C1orf56: variants seen among roughly 807,000 people sequenced by gnomAD.
C1orf56 encodes protein MENT.
In C1orf56, 14 loss-of-function variants were observed where a neutral mutation model predicts 20.7. The ratio of observed to expected loss-of-function variants is 0.68; its 90% CI spans 0.45 to 1.06. The LOEUF (loss-of-function observed/expected upper bound fraction) is 1.06, where lower values mean the gene tolerates loss of function less well. C1orf56 is among the 50% of genes least tolerant of loss of function. The pLI is 0.00. For missense variants in C1orf56, 424 were observed against 451.4 expected (o/e 0.94, Z 0.55); for synonymous variants, 187 against 194.7 (o/e 0.96, Z 0.33).
In C1orf56 at chr1:151,048,870, A is replaced by G; in HGVS notation, c.1005+18A>G. Reference sequence around the variant, plus strand: ...TGCAACCAGTAAGTGTTTGGTGATGAGCCAGGGTCTTTGTTGACGGATCTG... The same window carrying G: ...TGCAACCAGTAAGTGTTTGGTGATGGGCCAGGGTCTTTGTTGACGGATCTG... On this transcript the variant is annotated intron_variant, in intron 1 of 1. Transcript: ENST00000368926. This position sits in a 1 kb window ranked among gnomAD's most constrained non-coding sequence, Gnocchi z 4.8. The G allele has an allele frequency of 1.3e-6, 2 of 1,522,964 alleles. No individual in the cohort carries two copies. The highest frequency in any genetic ancestry group is 1.8e-6 in the Non-Finnish European group (2 of 1,134,712). 94.3% of individuals were successfully genotyped at this position (1,522,964 alleles called of 1,614,324 possible).
At chr1:151,049,433 T>G (rs1676131925) in intron 1 of C1orf56, 1 of 152,014 alleles carries the variant, frequency 6.6e-6, no homozygotes, top group South Asian at 2.1e-4. Flanking sequence ...ATTCTCTGTT[T>G]TTTTCACAGA....
rs587603472 is a variant in C1orf56 at position 151,048,273 on chromosome 1, TAGTC to T, written c.429_432del (p.Ser143ArgfsTer7). 1.9e-3 allele frequency: 3,138 copies of T among 1,614,208 alleles called. 7 individuals carry two copies. The highest frequency in any genetic ancestry group is 1.9e-3 in the Non-Finnish European group (2,205 of 1,180,036). On this transcript the variant is annotated frameshift_variant, in exon 1 of 2. Transcript: ENST00000368926. LOFTEE classifies it high-confidence loss of function. This position sits in a 1 kb window ranked among gnomAD's most constrained non-coding sequence, Gnocchi z 4.8. Reference sequence around the variant, plus strand: ...GTTCCAGCACGAGGTTTATAGCCAATAGTCAGGAGCCTGAAATCAGGCTGACTTC... The same window carrying T: ...GTTCCAGCACGAGGTTTATAGCCAATAGGAGCCTGAAATCAGGCTGACTTC...
Position 151,048,257 on chromosome 1 carries a change from C to T in C1orf56, c.410C>T (p.Thr137Met). ...CCCAATACAGCGGGGAGTTCCAGCA[C>T]GAGGTTTATAGCCAATAGTCAGGAG... ...ATPNTAGSSS[T>M]RFIANSQEPE... Residue 137 changes from threonine to methionine, a missense_variant, in exon 1 of 2, where the codon ACG becomes ATG. Transcript: ENST00000368926. The surrounding 1 kb of genome is among the most constrained non-coding windows in gnomAD (Gnocchi z 4.8). 1.2e-6 allele frequency: 2 copies of T among 1,614,222 alleles called. No individual in the cohort carries two copies. The highest frequency in any genetic ancestry group is 1.7e-5 in the Admixed American group (1 of 60,028).
In C1orf56 at chr1:151,050,549, A is replaced by G. The variant is rs1056251527; in HGVS notation, c.*91A>G. 2.3e-6 allele frequency: 3 copies of G among 1,293,160 alleles called. No homozygotes were observed. The highest frequency in any genetic ancestry group is 2.3e-5 in the Admixed American group (1 of 42,588). 80.1% of individuals were successfully genotyped at this position (1,293,160 alleles called of 1,614,324 possible). Reference sequence around the variant, plus strand: ...CCCACTAGATATTTTTAGTACAGAAAAACAAAACTGGAAAACACATTGTTT... The same window carrying G: ...CCCACTAGATATTTTTAGTACAGAAGAACAAAACTGGAAAACACATTGTTT... On this transcript the variant is annotated 3_prime_UTR_variant, in exon 2 of 2. Transcript: ENST00000368926.
rs1676107375 is a variant in C1orf56, at chr1:151,048,475, C to G, written c.628C>G (p.His210Asp). ...RLVLMPWGPWHCHCKSGTMSR... is the reference protein window; with the variant it reads ...RLVLMPWGPWDCHCKSGTMSR... Reference sequence around the variant, plus strand: ...GGTGCTGATGCCCTGGGGCCCGTGGCACTGCCACTGCAAGTCGGGCACCAT... The same window carrying G: ...GGTGCTGATGCCCTGGGGCCCGTGGGACTGCCACTGCAAGTCGGGCACCAT... Residue 210 changes from histidine (H) to aspartate (D), a missense_variant, in exon 1 of 2, where the codon CAC becomes GAC. Coordinates refer to ENST00000368926, the MANE Select transcript of C1orf56 (RefSeq NM_017860.5). This position sits in a 1 kb window ranked among gnomAD's most constrained non-coding sequence, Gnocchi z 4.8. 1.2e-6 allele frequency: 2 copies of G among 1,608,580 alleles called. No individual in the cohort carries two copies. The highest frequency in any genetic ancestry group is 2.7e-5 in the African/African-American group (2 of 75,070).
intron 1 of C1orf56, 152 bp downstream of exon 1, chr1:151,049,004 T>C: frequency 1.7e-6 from 2 of 1,203,208 alleles, no homozygotes; most frequent in Non-Finnish European, 1.1e-6. Flanking sequence ...GTTATTCACA[T>C]TGTTAGCCAT....
In C1orf56 at chr1:151,048,665, A is replaced by G. The variant is rs1311097870; in HGVS notation, c.818A>G (p.Asn273Ser). ...PLDTSLCTDT[N>S]CASQSTTSTR... Reference sequence around the variant, plus strand: ...GACACAAGTCTCTGTACTGACACCAACTGTGCCTCTCAGAGCACCACCAGT... The same window carrying G: ...GACACAAGTCTCTGTACTGACACCAGCTGTGCCTCTCAGAGCACCACCAGT... Residue 273 changes from asparagine to serine, a missense_variant, in exon 1 of 2, where the codon AAC becomes AGC. Transcript: ENST00000368926. This position sits in a 1 kb window ranked among gnomAD's most constrained non-coding sequence, Gnocchi z 4.8. The G allele has an allele frequency of 1.9e-6, 3 of 1,613,320 alleles. No individual in the cohort carries two copies. The highest frequency in any genetic ancestry group is 1.7e-5 in the Admixed American group (1 of 59,922).
Position 151,048,322 on chromosome 1 carries a change from G to A in C1orf56, c.475G>A (p.Gly159Arg), listed in dbSNP as rs746719165. ...RLTSSLPRSPGRSTEDLPGSQ... is the reference protein window; with the variant it reads ...RLTSSLPRSPRRSTEDLPGSQ... Reference sequence around the variant, plus strand: ...GACTTCAAGCCTGCCGCGCTCCCCCGGGAGGTCTACTGAGGACCTGCCAGG... The same window carrying A: ...GACTTCAAGCCTGCCGCGCTCCCCCAGGAGGTCTACTGAGGACCTGCCAGG... The change falls in exon 1 of 2, where the codon GGG (glycine) becomes AGG (arginine). Residue 159 changes from glycine to arginine, a missense_variant. Transcript: ENST00000368926. This position sits in a 1 kb window ranked among gnomAD's most constrained non-coding sequence, Gnocchi z 4.8. The A allele has an allele frequency of 1.9e-5, 30 of 1,614,010 alleles. No homozygotes were observed. The highest frequency in any genetic ancestry group is 5.0e-5 in the Admixed American group (3 of 60,012).
In C1orf56 at chr1:151,048,173, AG is replaced by A; in HGVS notation, c.331del (p.Val111LeufsTer2). ...AACGAGGAGGATGGGTCTTCAGAAG[AG>A]GGGGTTGTGATTAATGCCGGAAAGG... ...AINEEDGSSE[E>X]GVVINAGKDS... On this transcript the variant is annotated frameshift_variant, in exon 1 of 2. Coordinates refer to ENST00000368926, the MANE Select transcript of C1orf56 (RefSeq NM_017860.5). LOFTEE classifies it high-confidence loss of function. The surrounding 1 kb of genome is among the most constrained non-coding windows in gnomAD (Gnocchi z 4.8). The A allele has an allele frequency of 6.2e-7, 1 of 1,614,084 alleles. No individual in the cohort carries two copies. Among genetic ancestry groups the A allele is most frequent in the Non-Finnish European group, 8.5e-7 (1 of 1,180,032 alleles).
rs1676176562 is a variant in C1orf56, at chr1:151,051,393, G to GGA, written c.*935_*936insGA. ...AATGGCAGAAAATACATGGAAATTT[G>GGA]AAAAAAAAAAAAAAAAAAAAAAAAA... On this transcript the variant is annotated 3_prime_UTR_variant, in exon 2 of 2. Coordinates refer to ENST00000368926, the MANE Select transcript of C1orf56 (RefSeq NM_017860.5). 2.9e-5 allele frequency: 1 copy of GGA among 34,100 alleles called. No individual in the cohort carries two copies. Among genetic ancestry groups the GGA allele is most frequent in the South Asian group, 1.9e-3 (1 of 516 alleles). 2.1% of individuals were successfully genotyped at this position (34,100 alleles called of 1,614,324 possible). A position where few individuals can be genotyped will look rare whatever the true frequency, so the allele number is the denominator to read the frequency against.
In C1orf56 at chr1:151,047,810, C is replaced by A; in HGVS notation, c.-38C>A. ...AGCGAAGGTAGGAGGCAGGGCTTGCCTCACTGGCCACCCTCCCAACCCCAA... is the reference window on the plus strand; with the variant it reads ...AGCGAAGGTAGGAGGCAGGGCTTGCATCACTGGCCACCCTCCCAACCCCAA... On this transcript the variant is annotated 5_prime_UTR_variant, in exon 1 of 2. Transcript: ENST00000368926. 6.7e-7 allele frequency: 1 copy of A among 1,496,928 alleles called. No individual in the cohort carries two copies. The highest frequency in any genetic ancestry group is 8.8e-7 in the Non-Finnish European group (1 of 1,130,346). The allele number at this position is 1,496,928 out of a possible 1,614,324, so 92.7% of individuals were successfully genotyped here.
chr1:151,049,401 G>A (rs1676130817), intron 1 of C1orf56, among the ~76,000 whole-genome samples: 1 of 151,736 alleles, frequency 6.6e-6, no homozygotes, highest in African/African-American at 2.4e-5. Context: ...ATAGGCATGA[G>A]CCACCATGCC....
rs1676099866 is a variant in C1orf56, at chr1:151,048,187, A to G, written c.340A>G (p.Asn114Asp). The G allele has an allele frequency of 6.2e-7, 1 of 1,614,088 alleles. No individual in the cohort carries two copies. Among genetic ancestry groups the G allele is most frequent in the African/African-American group, 1.3e-5 (1 of 74,948 alleles). The change falls in exon 1 of 2, where the codon AAT becomes GAT. Residue 114 changes from asparagine to aspartate, a missense_variant. Transcript: ENST00000368926. This position sits in a 1 kb window ranked among gnomAD's most constrained non-coding sequence, Gnocchi z 4.8. ...DGSSEEGVVI[N>D]AGKDSTSREL... ...GTCTTCAGAAGAGGGGGTTGTGATTAATGCCGGAAAGGATAGCACCAGCAG... is the reference window on the plus strand; with the variant it reads ...GTCTTCAGAAGAGGGGGTTGTGATTGATGCCGGAAAGGATAGCACCAGCAG...
In C1orf56 at chr1:151,051,338, G is replaced by A. The variant is rs960319267; in HGVS notation, c.*880G>A. ...CTTGACTGGAACTGAGAGTAAATTGGGAATGTATGACCAATCTTAGACCCT... is the reference window on the plus strand; with the variant it reads ...CTTGACTGGAACTGAGAGTAAATTGAGAATGTATGACCAATCTTAGACCCT... On this transcript the variant is annotated 3_prime_UTR_variant, in exon 2 of 2. Coordinates refer to ENST00000368926, the MANE Select transcript of C1orf56 (RefSeq NM_017860.5). 8.1e-6 allele frequency: 1 copy of A among 124,108 alleles called. No individual in the cohort carries two copies. The highest frequency in any genetic ancestry group is 2.9e-5 in the African/African-American group (1 of 34,080). The allele number at this position is 124,108 out of a possible 1,614,324, so 7.7% of individuals were successfully genotyped here. A position where few individuals can be genotyped will look rare whatever the true frequency, so the allele number is the denominator to read the frequency against.
At position 151,047,866 on chromosome 1, in the gene C1orf56, G is replaced by C; in HGVS notation, c.19G>C (p.Ala7Pro). MVPAAGALLWVLLLNLG... is the reference protein window; with the variant it reads MVPAAGPLLWVLLLNLG... ...CAGCCCCATGGTCCCCGCCGCCGGC[G>C]CGCTGCTGTGGGTCCTGCTGCTGAA... The change falls in exon 1 of 2, where the codon GCG becomes CCG. Residue 7 changes from alanine (A) to proline (P), a missense_variant. Ala to Pro is a conservative substitution (Grantham distance 27). Transcript: ENST00000368926. 6 of 1,585,306 alleles carry C rather than the reference G, an allele frequency of 3.8e-6. No homozygotes were observed. The highest frequency in any genetic ancestry group is 5.1e-6 in the Non-Finnish European group (6 of 1,167,230).
Position 151,050,294 on chromosome 1 carries a change from T to C in C1orf56, c.1006-144T>C, listed in dbSNP as rs192653533. The stretch of plus-strand genomic sequence containing the variant: ...TTTTCTCCTTGTGTGTCCAATACCA[T>C]TATTGCATACAAAAATAAGTAAGGG... On this transcript the variant is annotated intron_variant, in intron 1 of 1. Coordinates refer to ENST00000368926, the MANE Select transcript of C1orf56 (RefSeq NM_017860.5). 6 of 697,608 alleles carry C rather than the reference T, an allele frequency of 8.6e-6. No individual in the cohort carries two copies. The African/African-American group carries it at 9.0e-5, about 10-fold the overall frequency. 43.2% of individuals were successfully genotyped at this position (697,608 alleles called of 1,614,324 possible). A position where few individuals can be genotyped will look rare whatever the true frequency, so the allele number is the denominator to read the frequency against.
intron 1 of C1orf56, chr1:151,049,844 TG>T (rs1676141352): frequency 6.6e-6 from 1 of 152,538 alleles, no homozygotes; most frequent in Non-Finnish European, 1.5e-5. Context: ...AAAGTCTTTT[TG>T]ATGCACAGAT....
chr1:151,049,673 C>T (rs1366368132), intron 1 of C1orf56: 1 of 151,722 alleles, frequency 6.6e-6, no homozygotes, highest in Non-Finnish European at 1.5e-5. Flanking sequence ...CCACCTTAGC[C>T]TGCTGAATAG....
Position 151,051,253 on chromosome 1 carries a change from AACACTCAG to A in C1orf56, c.*796_*803del, listed in dbSNP as rs928621634. On this transcript the variant is annotated 3_prime_UTR_variant, in exon 2 of 2. Coordinates refer to ENST00000368926, the MANE Select transcript of C1orf56 (RefSeq NM_017860.5). ...TGTTAACCCTTTAGATCTCTAGTATAACACTCAGGCTACTGAGGTATTTTAGAGCAACA... is the reference window on the plus strand; with the variant it reads ...TGTTAACCCTTTAGATCTCTAGTATAGCTACTGAGGTATTTTAGAGCAACA... The A allele has an allele frequency of 6.6e-6, 1 of 152,036 alleles. No individual in the cohort carries two copies. The highest frequency in any genetic ancestry group is 1.5e-5 in the Non-Finnish European group (1 of 68,004). The allele number at this position is 152,036 out of a possible 1,614,324, so 9.4% of individuals were successfully genotyped here. A position where few individuals can be genotyped will look rare whatever the true frequency, so the allele number is the denominator to read the frequency against.
Sources: gnomAD v4.1 joint callset for allele counts (sites outside exome capture counted in the v4.1 genomes callset) on GRCh38, gnomAD v4.1.1 for gene constraint, Gnocchi (gnomAD v3.1) non-coding constraint, MANE v1.5 for transcripts, NCBI Gene and HGNC (gene_info 2026-07-23, HGNC 2026-07-21) for gene names.